The following COL4A6 variants were observed in gnomAD, a reference collection of about 807,000 sequenced individuals.
COL4A6 encodes the protein collagen alpha-6(IV) chain.
In COL4A6, 59 loss-of-function variants were observed where a neutral mutation model predicts 126.7. The ratio of observed to expected loss-of-function variants is 0.47; its 90% CI spans 0.38 to 0.58. The LOEUF (loss-of-function observed/expected upper bound fraction) is 0.58, where lower values mean the gene tolerates loss of function less well. Among genes scored for constraint, COL4A6 ranks in the 20% least tolerant of loss-of-function variants. The probability of loss-of-function intolerance (pLI) is 0.00; values close to 1 mark genes in which losing one functional copy is unlikely to be tolerated. For synonymous variants in COL4A6, 547 were observed against 496.6 expected (o/e 1.10, Z -1.35); for missense variants, 1,285 against 1,337.3 (o/e 0.96, Z 0.61).
At chrX:108,299,514 T>C (rs753261920) in intron 3 of COL4A6, among the ~76,000 whole-genome samples, 14 of 111,436 alleles carry the variant, frequency 1.3e-4, no homozygotes, top group Non-Finnish European at 2.4e-4. Flanking sequence ...CATAGCTGTA[T>C]TGGCATTCCC....
In COL4A6 at chrX:108,324,728, G is replaced by A. The variant is rs768064858; in HGVS notation, c.64-13900C>T. Among the ~76,000 whole-genome samples the A allele has an allele frequency of 2.7e-5, 3 of 111,917 alleles. No individual in the cohort carries two copies. In the East Asian group the frequency reaches 8.4e-4, roughly 31 times the overall value. The stretch of plus-strand genomic sequence containing the variant: ...ATTATCTACAAGGCTTACATGTGTT[G>A]ATAAGGCAAAAGATGTTTTAACTTG... On this transcript the variant is annotated intron_variant, in intron 2 of 44. Transcript: ENST00000334504.
At chrX:108,304,879 CAGG>C (rs1021816623) in intron 3 of COL4A6, among the ~76,000 whole-genome samples, 2 of 112,054 alleles carry the variant, frequency 1.8e-5, no homozygotes, top group African/African-American at 6.5e-5. Flanking sequence ...ACTCCCTCAA[CAGG>C]AGACTTCCCA....
At chrX:108,324,766 G>T (rs1160418486) in intron 2 of COL4A6, among the ~76,000 whole-genome samples, 1 of 111,635 alleles carries the variant, frequency 9.0e-6, no homozygotes, top group Non-Finnish European at 1.9e-5. Flanking sequence ...CACAGATGGG[G>T]AAAGATTACA....
At position 108,174,528 on chromosome X, in the gene COL4A6, C is replaced by A; in HGVS notation, c.3050G>T (p.Gly1017Val). 1 of 1,210,355 alleles carries A rather than the reference C, an allele frequency of 8.3e-7. No homozygotes were observed. The highest frequency in any genetic ancestry group is 1.1e-6 in the Non-Finnish European group (1 of 894,768). Residue 1017 changes from glycine to valine, a missense_variant, in exon 31 of 45, where the codon GGG (glycine) becomes GTG (valine). By Grantham distance (109) the Gly-to-Val change is moderately radical. Transcript: ENST00000334504. Reference sequence around the variant, plus strand: ...CCGGATTCCCATGAAGCCAGGGGGCCCTGGCTTTCCACTAACTCCTTTGAT... The same window carrying A: ...CCGGATTCCCATGAAGCCAGGGGGCACTGGCTTTCCACTAACTCCTTTGAT... ...GIIKGVSGKP[G>V]PPGFMGIRGL...
chrX:108,333,353 AT>A (rs2039353199), intron 2 of COL4A6, among the ~76,000 whole-genome samples: 1 of 111,817 alleles, frequency 8.9e-6, no homozygotes, highest in African/African-American at 3.2e-5. Context: ...AAAACATTCG[AT>A]AAAATCCAGC....
intron 2 of COL4A6, among the ~76,000 whole-genome samples, chrX:108,435,045 G>A (rs2064241627): frequency 9.0e-6 from 1 of 110,857 alleles, no homozygotes; most frequent in South Asian, 3.8e-4. Context: ...GACCAACCTG[G>A]GCATGTTACA....
At chrX:108,389,894 T>C (rs1324046551) in intron 2 of COL4A6, among the ~76,000 whole-genome samples, 2 of 111,778 alleles carry the variant, frequency 1.8e-5, no homozygotes, top group African/African-American at 6.5e-5. Context: ...GTTTACTGCT[T>C]CCTTCAGGAG....
chrX:108,169,049 C>T (rs369471681), intron 37 of COL4A6, among the ~76,000 whole-genome samples: 32 of 111,032 alleles, frequency 2.9e-4, no homozygotes, highest in East Asian at 1.4e-3. Flanking sequence ...TGGTTCTGTC[C>T]GGTGGAGACT....
chrX:108,162,399 AAAGAAG>A (rs199879518), intron 41 of COL4A6, among the ~76,000 whole-genome samples: 1 of 108,208 alleles, frequency 9.2e-6, no homozygotes, highest in African/African-American at 3.4e-5. Flanking sequence ...AGGAAGAAGA[AAAGAAG>A]AAGAAGAAGA....
chrX:108,377,765 T>TA (rs1484321069), intron 2 of COL4A6, among the ~76,000 whole-genome samples: 2 of 106,459 alleles, frequency 1.9e-5, no homozygotes, highest in African/African-American at 3.4e-5. Flanking sequence ...CCGTCTCTAC[T>TA]AAAAAAACCA....
intron 2 of COL4A6, among the ~76,000 whole-genome samples, chrX:108,425,634 T>G (rs2064066657): frequency 9.2e-6 from 1 of 108,371 alleles, no homozygotes; most frequent in Admixed American, 1.0e-4. Context: ...CTCGGGAGGC[T>G]GAGGCAGGAG....
intron 2 of COL4A6, among the ~76,000 whole-genome samples, chrX:108,365,518 A>G (rs1423768139): frequency 2.7e-5 from 3 of 111,861 alleles, no homozygotes; most frequent in Non-Finnish European, 5.6e-5. Context: ...AGGTAAAAAA[A>G]TTTCTTAAAC....
rs139356444 is a variant in COL4A6, at chrX:108,306,082, T to C, written c.144+4666A>G. On this transcript the variant is annotated intron_variant, in intron 3 of 44. Transcript: ENST00000334504. ...GAAAAGTGGGATGAGGACAGAATGCTGGGGGATCCCAATCACAGTAGGAAA... is the reference window on the plus strand; with the variant it reads ...GAAAAGTGGGATGAGGACAGAATGCCGGGGGATCCCAATCACAGTAGGAAA... 2.9e-4 allele frequency among the ~76,000 whole-genome samples: 32 copies of C among 112,042 alleles called. No individual in the cohort carries two copies. The East Asian group carries it at 3.6e-3, about 13-fold the overall frequency.
At chrX:108,308,424 C>A (rs1292166197) in intron 3 of COL4A6, among the ~76,000 whole-genome samples, 1 of 112,255 alleles carries the variant, frequency 8.9e-6, no homozygotes, top group Non-Finnish European at 1.9e-5. Context: ...TGCCACAATC[C>A]ATCAGGAAAT....
At chrX:108,267,449 A>G (rs764447712) in intron 3 of COL4A6, among the ~76,000 whole-genome samples, 2 of 112,407 alleles carry the variant, frequency 1.8e-5, no homozygotes, top group Non-Finnish European at 3.8e-5. Context: ...GCTCCAATCC[A>G]TAAATCGGTA....
chrX:108,412,536 A>G (rs1308178411), intron 2 of COL4A6, among the ~76,000 whole-genome samples: 1 of 111,839 alleles, frequency 8.9e-6, no homozygotes, highest in Admixed American at 9.5e-5. Context: ...ATGCCATTTC[A>G]GGGGCCATTT....
chrX:108,173,716 AT>A (rs2148094253), intron 31 of COL4A6, among the ~76,000 whole-genome samples: 1 of 112,457 alleles, frequency 8.9e-6, no homozygotes, highest in Non-Finnish European at 1.9e-5. Context: ...CTATTTAAAT[AT>A]TATTCCCAAT....
rs1006226896 is a variant in COL4A6, at chrX:108,221,084, C to T, written c.279+156G>A. On this transcript the variant is annotated intron_variant, in intron 4 of 44. Coordinates refer to ENST00000334504, the MANE Select transcript of COL4A6 (RefSeq NM_033641.4). Reference sequence around the variant, plus strand: ...TTGTACTCCAGCCTGGGCAACAGGGCGAGACTCTGTCTCAAAAAAAAAAAT... The same window carrying T: ...TTGTACTCCAGCCTGGGCAACAGGGTGAGACTCTGTCTCAAAAAAAAAAAT... 1.8e-5 allele frequency: 13 copies of T among 704,139 alleles called. No individual in the cohort carries two copies. In the African/African-American group the frequency reaches 1.9e-4, roughly 10 times the overall value. 58.0% of individuals were successfully genotyped at this position (704,139 alleles called of 1,213,427 possible).
At chrX:108,288,790 T>C (rs1476244774) in intron 3 of COL4A6, among the ~76,000 whole-genome samples, 2 of 111,341 alleles carry the variant, frequency 1.8e-5, no homozygotes, top group Non-Finnish European at 1.9e-5. Context: ...ACTGGTATCA[T>C]TGCAATGGAG....
Sources: gnomAD v4.1 joint callset for allele counts (sites outside exome capture counted in the v4.1 genomes callset) on GRCh38, gnomAD v4.1.1 for gene constraint, MANE v1.5 for transcripts, NCBI Gene and HGNC (gene_info 2026-07-23, HGNC 2026-07-21) for gene names.